MAP3K15: variants seen among roughly 807,000 people sequenced by gnomAD.
MAP3K15 encodes MAPK/ERK kinase kinase 15.
A neutral mutation model predicts 99.5 loss-of-function variants in MAP3K15; 124 were observed. The observed-to-expected ratio is 1.25, with a 90% CI of 1.08 to 1.45. The LOEUF is 1.45. MAP3K15 is among the 40% of genes most tolerant of loss of function. The pLI is 0.00. For synonymous variants in MAP3K15, 494 were observed against 439.6 expected (o/e 1.12, Z -1.55); for missense variants, 1,242 against 1,079.7 (o/e 1.15, Z -2.11).
At chrX:19,395,356 C>G in intron 15 of MAP3K15, 148 bp from the exon 16 acceptor site, 1 of 558,585 alleles carries the variant, frequency 1.8e-6, no homozygotes, top group Non-Finnish European at 2.8e-6. Flanking sequence ...TATTCAACTT[C>G]CCATCTGTAC....
At chrX:19,486,117 C>T (rs993447026) in intron 3 of MAP3K15, among the ~76,000 whole-genome samples, 1 of 111,417 alleles carries the variant, frequency 9.0e-6, no homozygotes, top group Non-Finnish European at 1.9e-5. Flanking sequence ...TAGGGAAACT[C>T]TGCTTGGGAA....
intron 15 of MAP3K15, among the ~76,000 whole-genome samples, chrX:19,395,849 C>T (rs1327671955): frequency 3.6e-5 from 4 of 111,786 alleles, no homozygotes; most frequent in Admixed American, 9.5e-5. Flanking sequence ...TTTTTTTTGG[C>T]CTCATTTCAA....
chrX:19,451,786 A>G (rs2064040785), intron 6 of MAP3K15, among the ~76,000 whole-genome samples: 1 of 110,285 alleles, frequency 9.1e-6, no homozygotes, highest in Non-Finnish European at 1.9e-5. Flanking sequence ...AAAATATGCC[A>G]GGCATGGTGG....
intron 1 of MAP3K15, among the ~76,000 whole-genome samples, chrX:19,501,740 G>A (rs144676306): frequency 0.018 from 1,988 of 111,871 alleles, 39 homozygotes; most frequent in African/African-American, 0.049. Flanking sequence ...TGAAGAGTTC[G>A]CTGTCTGGCA....
chrX:19,413,708 T>TA lies in MAP3K15; in HGVS notation c.1591-245dup, dbSNP rs766115401. On this transcript the variant is annotated intron_variant, in intron 10 of 28. Transcript: ENST00000338883. The stretch of plus-strand genomic sequence containing the variant: ...GGGGGGTGGGGAAGATGAAAGGAGA[T>TA]AAAAAAAGAGGTGATAGCCCATCAG... 4.3e-3 allele frequency among the ~76,000 whole-genome samples: 289 copies of TA among 67,150 alleles called. 4 individuals carry two copies. Among genetic ancestry groups the TA allele is most frequent in the African/African-American group, 0.018 (275 of 15,329 alleles). The allele number at this position is 67,150 out of a possible 115,157, so 58.3% of individuals were successfully genotyped here. A position where few individuals can be genotyped will look rare whatever the true frequency, so the allele number is the denominator to read the frequency against.
chrX:19,374,699 C>T, intron 19 of MAP3K15, 39 bp from the exon 20 acceptor site: 1 of 1,143,306 alleles, frequency 8.7e-7, no homozygotes, highest in East Asian at 3.0e-5. Context: ...GTCAGTGAGG[C>T]CTTGGGTGAA....
intron 6 of MAP3K15, among the ~76,000 whole-genome samples, chrX:19,451,940 T>C (rs1214647966): frequency 2.8e-5 from 3 of 107,526 alleles, no homozygotes; most frequent in Non-Finnish European, 5.7e-5. Context: ...GCACCTGTAG[T>C]CCCAGCTACT....
At chrX:19,418,309 A>C (rs2063753895) in intron 9 of MAP3K15, among the ~76,000 whole-genome samples, 1 of 111,207 alleles carries the variant, frequency 9.0e-6, no homozygotes, top group Non-Finnish European at 1.9e-5. Flanking sequence ...AATTAGACAA[A>C]CGGCTAACTA....
Position 19,363,522 on chromosome X carries a change from C to T in MAP3K15, c.3567-672G>A, listed in dbSNP as rs187400571. Among the ~76,000 whole-genome samples, 5 of 112,205 alleles carry T rather than the reference C, an allele frequency of 4.5e-5. No homozygotes were observed. The East Asian group carries it at 1.4e-3, about 31-fold the overall frequency. On this transcript the variant is annotated intron_variant, in intron 25 of 28. Coordinates refer to ENST00000338883, the MANE Select transcript of MAP3K15 (RefSeq NM_001001671.4). ...GTTAATCAGAACTCAGCCAGAAGGA[C>T]GATGTGATTATTTAAACCTGGCTCC...
chrX:19,454,581 C>T (rs1401430611), intron 6 of MAP3K15, among the ~76,000 whole-genome samples: 2 of 111,210 alleles, frequency 1.8e-5, no homozygotes, highest in South Asian at 3.8e-4. Context: ...ATCTGAGGGT[C>T]GAAAGTCATC....
At chrX:19,417,704 C>G (rs1342762891) in intron 9 of MAP3K15, among the ~76,000 whole-genome samples, 1 of 111,719 alleles carries the variant, frequency 9.0e-6, no homozygotes, top group African/African-American at 3.3e-5. Context: ...GTGGTTCTCC[C>G]AGCACGCAGC....
chrX:19,413,521 GC>G, intron 10 of MAP3K15, 57 bp from the exon 11 acceptor site: 1 of 917,925 alleles, frequency 1.1e-6, no homozygotes, highest in Non-Finnish European at 1.5e-6. Context: ...AGCGCACCCT[GC>G]CCAGCGAGGA....
chrX:19,392,837 T>G (rs1391797707), intron 16 of MAP3K15, among the ~76,000 whole-genome samples: 2 of 111,147 alleles, frequency 1.8e-5, no homozygotes, highest in Non-Finnish European at 3.8e-5. Context: ...TCAGGTCCCA[T>G]GACACTTGTT....
chrX:19,392,703 T>A (rs966572429), intron 16 of MAP3K15, among the ~76,000 whole-genome samples: 3 of 111,467 alleles, frequency 2.7e-5, no homozygotes, highest in Non-Finnish European at 5.6e-5. Context: ...CATGAACCCC[T>A]TGTGCCCCCT....
chrX:19,468,579 C>A (rs760694906), intron 3 of MAP3K15, among the ~76,000 whole-genome samples: 1 of 111,827 alleles, frequency 8.9e-6, no homozygotes, highest in Non-Finnish European at 1.9e-5. Context: ...AATAACTGTG[C>A]GCATGCCCAA....
intron 7 of MAP3K15, among the ~76,000 whole-genome samples, chrX:19,427,133 A>G (rs2063839098): frequency 9.7e-6 from 1 of 102,867 alleles, no homozygotes; most frequent in African/African-American, 4.1e-5. Flanking sequence ...GCCATCATGC[A>G]CACACCTATG....
chrX:19,480,789 C>T (rs2064283435), intron 3 of MAP3K15, among the ~76,000 whole-genome samples: 1 of 104,520 alleles, frequency 9.6e-6, no homozygotes, highest in Non-Finnish European at 2.0e-5. Context: ...CTGTGCACTC[C>T]AGCCTGGGCT....
At position 19,398,286 on chromosome X, in the gene MAP3K15, C is replaced by G. The variant is rs1409601067; in HGVS notation, c.2006G>C (p.Gly669Ala). 1 of 1,210,947 alleles carries G rather than the reference C, an allele frequency of 8.3e-7. No homozygotes were observed. Among genetic ancestry groups the G allele is most frequent in the Non-Finnish European group, 1.1e-6 (1 of 895,224 alleles). The change falls in exon 15 of 29, where the codon GGC becomes GCC. Residue 669 changes from glycine to alanine, a missense_variant. Gly to Ala is a moderately conservative substitution (Grantham distance 60). Coordinates refer to ENST00000338883, the MANE Select transcript of MAP3K15 (RefSeq NM_001001671.4). ...GKGTYGIVYA[G>A]RDLSNQVRIA... ...TCGCACTTGATTGCTCAGATCTCGG[C>G]CAGCATACACAATCCCATACGTGCC...
intron 18 of MAP3K15, among the ~76,000 whole-genome samples, chrX:19,386,428 C>G (rs2063494003): frequency 9.0e-6 from 1 of 111,477 alleles, no homozygotes; most frequent in Non-Finnish European, 1.9e-5. Flanking sequence ...TGCACTCCAG[C>G]CTGGGCGACA....
Sources: gnomAD v4.1 joint callset for allele counts (sites outside exome capture counted in the v4.1 genomes callset) on GRCh38, gnomAD v4.1.1 for gene constraint, MANE v1.5 for transcripts, NCBI Gene and HGNC (gene_info 2026-07-23, HGNC 2026-07-21) for gene names.